SFMBT2: variants seen among roughly 807,000 people sequenced by gnomAD.
The protein encoded by SFMBT2 is Scm like with four mbt domains 2.
Under a neutral mutation model 110.1 loss-of-function variants are expected in SFMBT2, and 38 were observed. The observed-to-expected ratio is 0.35, with a 90% confidence interval of 0.27 to 0.45. The LOEUF is 0.45. Among genes scored for constraint, SFMBT2 ranks in the 20% least tolerant of loss-of-function variants. The probability of loss-of-function intolerance (pLI) is 1.00; values close to 1 mark genes in which losing one functional copy is unlikely to be tolerated. For synonymous variants in SFMBT2, 425 were observed against 425.4 expected, an observed-to-expected ratio of 1.00 and a Z score of 0.01; for missense variants, 1,011 against 1,094.9, an observed-to-expected ratio of 0.92 and a Z score of 1.08.
At chr10:7,265,746 GTGA>G (rs1841365914) in intron 7 of SFMBT2, among the ~76,000 whole-genome samples, 1 of 152,114 alleles carries the variant, frequency 6.6e-6, no homozygotes, top group Non-Finnish European at 1.5e-5. Flanking sequence ...TTAAGTTATA[GTGA>G]TGACCTCTCC....
intron 7 of SFMBT2, among the ~76,000 whole-genome samples, chr10:7,263,663 T>C (rs974604129): frequency 6.6e-6 from 1 of 152,254 alleles, no homozygotes; most frequent in African/African-American, 2.4e-5. Flanking sequence ...TCTCTATATA[T>C]GGGCTTAAGG....
At chr10:7,234,557 T>C (rs1396691184) in intron 9 of SFMBT2, among the ~76,000 whole-genome samples, 1 of 152,178 alleles carries the variant, frequency 6.6e-6, no homozygotes, top group Non-Finnish European at 1.5e-5. Flanking sequence ...AGAAGTATTT[T>C]CAGATATTAA....
At chr10:7,236,648 C>T (rs564932690) in intron 9 of SFMBT2, among the ~76,000 whole-genome samples, 8 of 152,054 alleles carry the variant, frequency 5.3e-5, no homozygotes, top group African/African-American at 1.9e-4. Context: ...ATACAAAAAT[C>T]AATGTCAAGT....
intron 4 of SFMBT2, among the ~76,000 whole-genome samples, chr10:7,300,672 C>T (rs926717709): frequency 2.6e-5 from 4 of 152,216 alleles, no homozygotes; most frequent in African/African-American, 9.6e-5. Flanking sequence ...GATGGAAAAG[C>T]ATTACTCTTG....
intron 4 of SFMBT2, among the ~76,000 whole-genome samples, chr10:7,363,748 A>C (rs1316128623): frequency 6.6e-6 from 1 of 152,138 alleles, no homozygotes; most frequent in Non-Finnish European, 1.5e-5. Flanking sequence ...AACCCCAAGA[A>C]GGGGACTCAC....
intron 4 of SFMBT2, among the ~76,000 whole-genome samples, chr10:7,347,809 TA>T (rs1428305897): frequency 6.6e-6 from 1 of 152,216 alleles, no homozygotes; most frequent in Non-Finnish European, 1.5e-5. Context: ...AATTGACACT[TA>T]TTTGCTGGTT....
chr10:7,163,587 G>A lies in SFMBT2; in HGVS notation c.*183C>T, dbSNP rs1337336079. 5.1e-6 allele frequency: 3 copies of A among 593,634 alleles called. No individual in the cohort carries two copies. The highest frequency in any genetic ancestry group is 3.0e-5 in the East Asian group (1 of 33,566). 36.8% of individuals were successfully genotyped at this position (593,634 alleles called of 1,614,324 possible). On this transcript the variant is annotated 3_prime_UTR_variant, in exon 21 of 21. Coordinates refer to ENST00000397167, the MANE Select transcript of SFMBT2 (RefSeq NM_001387889.1). This position sits in a 1 kb window ranked among gnomAD's most constrained non-coding sequence, Gnocchi z 4.8. The stretch of plus-strand genomic sequence containing the variant: ...GCACTCCCCAGAAGCGACTGCTGCT[G>A]TGCTTTGAAAACATGGAAACAGCTC...
chr10:7,258,018 G>C (rs561966026), intron 7 of SFMBT2, among the ~76,000 whole-genome samples: 2 of 152,264 alleles, frequency 1.3e-5, no homozygotes, highest in South Asian at 4.1e-4. Flanking sequence ...TGCAACCTCC[G>C]CCTCCCAGGC....
At chr10:7,182,858 A>C (rs1221117568) in intron 16 of SFMBT2, among the ~76,000 whole-genome samples, 1 of 152,032 alleles carries the variant, frequency 6.6e-6, no homozygotes, top group Non-Finnish European at 1.5e-5. Context: ...CTAGAACTTA[A>C]AGTATAATAA....
At chr10:7,366,832 T>C (rs973923188) in intron 4 of SFMBT2, among the ~76,000 whole-genome samples, 1 of 152,222 alleles carries the variant, frequency 6.6e-6, no homozygotes, top group Non-Finnish European at 1.5e-5. Flanking sequence ...GGGGCTGTCC[T>C]GTGCATTGCG....
intron 7 of SFMBT2, among the ~76,000 whole-genome samples, chr10:7,254,569 C>A (rs1840933960): frequency 2.0e-5 from 3 of 152,046 alleles, no homozygotes; most frequent in Non-Finnish European, 2.9e-5. Context: ...CATCTGTAAT[C>A]CCAGCACTTT....
chr10:7,218,702 A>G (rs1297847133), intron 11 of SFMBT2, among the ~76,000 whole-genome samples: 5 of 152,250 alleles, frequency 3.3e-5, no homozygotes. Flanking sequence ...CTGTATTCAA[A>G]GAGAACAGGA....
At chr10:7,385,780 A>G (rs1845580316) in intron 1 of SFMBT2, among the ~76,000 whole-genome samples, 1 of 152,114 alleles carries the variant, frequency 6.6e-6, no homozygotes, top group Non-Finnish European at 1.5e-5. Context: ...CGGGCGGATC[A>G]CGAGGTCAGG....
At chr10:7,387,653 G>A (rs1212806617) in intron 1 of SFMBT2, among the ~76,000 whole-genome samples, 1 of 152,052 alleles carries the variant, frequency 6.6e-6, no homozygotes, top group Non-Finnish European at 1.5e-5. Context: ...AAAGGAGGAT[G>A]GGCATGGTGG....
intron 4 of SFMBT2, among the ~76,000 whole-genome samples, chr10:7,292,028 A>G (rs1386745560): frequency 6.6e-6 from 1 of 152,182 alleles, no homozygotes; most frequent in South Asian, 2.1e-4. Context: ...TGCCAGAAAC[A>G]TTGTAAAATC....
At position 7,364,082 on chromosome 10, in the gene SFMBT2, G is replaced by A. The variant is rs116218715; in HGVS notation, c.436+3567C>T. On this transcript the variant is annotated intron_variant, in intron 4 of 20. Transcript: ENST00000397167. ...AAAAATAGATTCTACTGTTCCCTCC[G>A]GAACAACTGCCGCCTCTGGCTACAA... is the stretch of plus-strand genomic sequence containing the variant. 3.5e-3 allele frequency among the ~76,000 whole-genome samples: 534 copies of A among 152,118 alleles called. 2 individuals carry two copies. The highest frequency in any genetic ancestry group is 0.012 in the African/African-American group (516 of 41,506).
chr10:7,262,603 A>G (rs1841242556), intron 7 of SFMBT2, among the ~76,000 whole-genome samples: 1 of 152,238 alleles, frequency 6.6e-6, no homozygotes, highest in African/African-American at 2.4e-5. Flanking sequence ...CAGATAACTG[A>G]AAGTTGACTA....
chr10:7,342,287 T>G (rs549791861), intron 4 of SFMBT2, among the ~76,000 whole-genome samples: 1 of 150,752 alleles, frequency 6.6e-6, no homozygotes, highest in Non-Finnish European at 1.5e-5. Flanking sequence ...CACATAAGCA[T>G]ACATGCCTGT....
intron 4 of SFMBT2, among the ~76,000 whole-genome samples, chr10:7,299,730 T>C (rs754826826): frequency 1.1e-4 from 16 of 152,170 alleles, no homozygotes; most frequent in Non-Finnish European, 2.1e-4. Flanking sequence ...ATCCCATTTA[T>C]TTATATATTA....
Sources: allele counts gnomAD v4.1 joint callset (sites outside exome capture counted in the v4.1 genomes callset), GRCh38; gene constraint gnomAD v4.1.1; non-coding constraint Gnocchi (gnomAD v3.1); transcripts MANE v1.5; gene names NCBI Gene and HGNC (gene_info 2026-07-23, HGNC 2026-07-21).